The following AGBL4 variants were observed in gnomAD, a reference collection of about 807,000 sequenced individuals.
AGBL4 encodes the protein cytosolic carboxypeptidase 6.
Under a neutral mutation model 66.4 loss-of-function variants are expected in AGBL4, and 58 were observed. That is an observed-to-expected ratio of 0.87 (90% CI 0.71 to 1.09). The LOEUF is 1.09. AGBL4 is among the 50% of genes least tolerant of loss of function. AGBL4 has a pLI of 0.00. For synonymous variants in AGBL4, 234 were observed against 222.9 expected (o/e 1.05, Z -0.44); for missense variants, 579 against 631.0 (o/e 0.92, Z 0.88).
chr1:48,612,455 A>G (rs931150570), intron 9 of AGBL4, among the ~76,000 whole-genome samples: 4 of 152,204 alleles, frequency 2.6e-5, no homozygotes, highest in Non-Finnish European at 4.4e-5. Flanking sequence ...GTCTACATGA[A>G]TGGTTCAGAA....
intron 9 of AGBL4, among the ~76,000 whole-genome samples, chr1:48,633,108 T>C (rs1016396926): frequency 3.9e-5 from 6 of 152,170 alleles, no homozygotes; most frequent in Admixed American, 3.9e-4. Flanking sequence ...AGGGTTATGG[T>C]TATGCAAGAC....
chr1:49,382,191 C>T (rs1644631918), intron 3 of AGBL4, among the ~76,000 whole-genome samples: 1 of 151,706 alleles, frequency 6.6e-6, no homozygotes, highest in Admixed American at 6.6e-5. Context: ...GTAACTGATG[C>T]AAAATAGTAA....
At chr1:49,913,433 G>T (rs982957460) in intron 1 of AGBL4, among the ~76,000 whole-genome samples, 8 of 152,250 alleles carry the variant, frequency 5.3e-5, no homozygotes, top group Admixed American at 2.0e-4. Flanking sequence ...CCCACATCCA[G>T]GGCACACTGG....
chr1:49,489,770 A>G (rs894816007), intron 3 of AGBL4, among the ~76,000 whole-genome samples: 1 of 151,914 alleles, frequency 6.6e-6, no homozygotes, highest in Non-Finnish European at 1.5e-5. Flanking sequence ...TTTTCCCAGC[A>G]GCATTTATTG....
intron 3 of AGBL4, among the ~76,000 whole-genome samples, chr1:49,520,439 T>C (rs1308021020): frequency 6.6e-6 from 1 of 152,086 alleles, no homozygotes; most frequent in East Asian, 1.9e-4. Context: ...TTAATTTGAA[T>C]GGTACATTTT....
intron 6 of AGBL4, among the ~76,000 whole-genome samples, chr1:48,811,803 C>T (rs767477185): frequency 5.9e-5 from 9 of 151,976 alleles, no homozygotes; most frequent in South Asian, 2.1e-4. Context: ...AGGGTATGTA[C>T]GGAGTGGGTG....
intron 3 of AGBL4, among the ~76,000 whole-genome samples, chr1:49,654,267 G>C (rs1646070948): frequency 6.6e-6 from 1 of 152,160 alleles, no homozygotes; most frequent in African/African-American, 2.4e-5. Flanking sequence ...GTTCTAGTTT[G>C]ATTGCACTGT....
intron 5 of AGBL4, among the ~76,000 whole-genome samples, chr1:48,996,789 G>A (rs1661028750): frequency 7.4e-6 from 1 of 135,164 alleles, no homozygotes; most frequent in South Asian, 2.3e-4. Context: ...AGAGGAAAAT[G>A]TGGGGCCAAG....
chr1:48,602,863 T>C (rs1645094519), intron 9 of AGBL4, among the ~76,000 whole-genome samples: 1 of 152,172 alleles, frequency 6.6e-6, no homozygotes, highest in Admixed American at 6.5e-5. Flanking sequence ...TGTTCCCCCT[T>C]TCCCACCTCT....
intron 3 of AGBL4, among the ~76,000 whole-genome samples, chr1:49,386,267 G>A (rs752733361): frequency 2.6e-4 from 6 of 22,900 alleles, no homozygotes; most frequent in Non-Finnish European, 8.3e-4. Context: ...ATGGATGGAT[G>A]TGTGTGTGTG....
At chr1:48,537,600 G>A (rs1176057927) in intron 12 of AGBL4, among the ~76,000 whole-genome samples, 3 of 152,112 alleles carry the variant, frequency 2.0e-5, no homozygotes, top group African/African-American at 7.2e-5. Context: ...AAGTCCCCAT[G>A]TCCTCATCTG....
chr1:49,561,463 C>G (rs914654025), intron 3 of AGBL4, among the ~76,000 whole-genome samples: 7 of 151,950 alleles, frequency 4.6e-5, no homozygotes, highest in Middle Eastern at 3.4e-3. Flanking sequence ...CCCCCTCCCC[C>G]CAACCCACAA....
At chr1:49,440,705 T>C (rs2148667774) in intron 3 of AGBL4, among the ~76,000 whole-genome samples, 2 of 152,236 alleles carry the variant, frequency 1.3e-5, no homozygotes, top group Middle Eastern at 6.8e-3. Flanking sequence ...GCTGAAATTA[T>C]GGAAAAACAG....
At chr1:48,631,811 C>G (rs1645598341) in intron 9 of AGBL4, among the ~76,000 whole-genome samples, 1 of 152,164 alleles carries the variant, frequency 6.6e-6, no homozygotes, top group African/African-American at 2.4e-5. Context: ...AACCAGAACT[C>G]ACTGTTTAGT....
At chr1:48,761,471 C>T in intron 6 of AGBL4, 1 of 1,549,906 alleles carries the variant, frequency 6.5e-7, no homozygotes, top group South Asian at 1.2e-5. Flanking sequence ...GATTTGTCTT[C>T]TAAAATGCAT....
At chr1:49,340,933 C>T (rs1645527592) in intron 3 of AGBL4, among the ~76,000 whole-genome samples, 1 of 152,154 alleles carries the variant, frequency 6.6e-6, no homozygotes, top group Admixed American at 6.5e-5. Context: ...ATATAGATTC[C>T]TGTGGAAGAC....
intron 1 of AGBL4, among the ~76,000 whole-genome samples, chr1:49,929,415 T>C (rs554730757): frequency 2.4e-4 from 37 of 151,898 alleles, no homozygotes; most frequent in Non-Finnish European, 4.7e-4. Context: ...AGAAACTACC[T>C]AGAACAAAGT....
In AGBL4 at chr1:48,736,363, C is replaced by T. The variant is rs1309050077; in HGVS notation, c.635-73122G>A. Reference sequence around the variant, plus strand: ...CATCTGTTCCCCAAATCATAACTGCCAAGTTCTTCGTGTACTTGGAATCTC... The same window carrying T: ...CATCTGTTCCCCAAATCATAACTGCTAAGTTCTTCGTGTACTTGGAATCTC... On this transcript the variant is annotated intron_variant, in intron 6 of 13. Transcript: ENST00000371839. The surrounding 1 kb of genome is among the most constrained non-coding windows in gnomAD (Gnocchi z 4.0). 2 of 1,614,158 alleles carry T rather than the reference C, an allele frequency of 1.2e-6. No individual in the cohort carries two copies.
At chr1:49,485,449 G>A (rs1321014860) in intron 3 of AGBL4, among the ~76,000 whole-genome samples, 2 of 118,738 alleles carry the variant, frequency 1.7e-5, no homozygotes, top group Non-Finnish European at 3.3e-5. Context: ...ACACACCGGG[G>A]TCTGTTGTGG....
Sources: allele counts gnomAD v4.1 joint callset (sites outside exome capture counted in the v4.1 genomes callset), GRCh38; gene constraint gnomAD v4.1.1; non-coding constraint Gnocchi (gnomAD v3.1); transcripts MANE v1.5; gene names NCBI Gene and HGNC (gene_info 2026-07-23, HGNC 2026-07-21).